Variants in ACTR3C observed in about 807,000 individuals in gnomAD.
ACTR3C encodes the protein actin related protein 3C.
Under a neutral mutation model 26.3 loss-of-function variants are expected in ACTR3C, and 18 were observed. The observed-to-expected ratio is 0.68, with a 90% CI of 0.47 to 1.01. The LOEUF (loss-of-function observed/expected upper bound fraction) is 1.01. Among genes scored for constraint, ACTR3C ranks in the 50% least tolerant of loss-of-function variants. The probability of loss-of-function intolerance (pLI) is 0.00; values close to 1 mark genes in which losing one functional copy is unlikely to be tolerated. For missense variants in ACTR3C, 184 were observed against 250.7 expected, an observed-to-expected ratio of 0.73 and a Z score of 1.80; for synonymous variants, 55 against 94.5, an observed-to-expected ratio of 0.58 and a Z score of 2.42.
At chr7:150,269,302 C>A (rs1258173151) in intron 6 of ACTR3C, among the ~76,000 whole-genome samples, 2 of 137,634 alleles carry the variant, frequency 1.5e-5, no homozygotes, top group Non-Finnish European at 3.1e-5. Context: ...ACAGGGCGTT[C>A]GGAGCCCTTC....
chr7:150,021,130 T>A, the ACTR3C span, among the ~76,000 whole-genome samples: 92,578 of 148,600 alleles, frequency 0.62, 29,010 homozygotes, highest in Admixed American at 0.67. Flanking sequence ...CTTTTTTTTT[T>A]AAAAAAAATA....
chr7:150,288,864 C>T (rs1397507198), intron 4 of ACTR3C, among the ~76,000 whole-genome samples: 3 of 150,946 alleles, frequency 2.0e-5, no homozygotes, highest in Admixed American at 6.6e-5. Flanking sequence ...AAAAACACCT[C>T]GGGAATCATC....
At chr7:149,946,173 G>A in the ACTR3C span, among the ~76,000 whole-genome samples, 2 of 152,228 alleles carry the variant, frequency 1.3e-5, no homozygotes, top group East Asian at 1.9e-4. Flanking sequence ...CTGGGCCAGC[G>A]CTCCAGGAAT....
chr7:150,076,505 T>C, the ACTR3C span: 1 of 152,098 alleles, frequency 6.6e-6, no homozygotes. Context: ...TGATAAATAC[T>C]GTATTTGCTC....
chr7:150,035,455 T>TCC, the ACTR3C span, among the ~76,000 whole-genome samples: 2 of 81,116 alleles, frequency 2.5e-5, no homozygotes, highest in African/African-American at 4.6e-5. Context: ...GGGGGGTGCC[T>TCC]CCCCCGTTGC....
chr7:150,040,507 G>A, the ACTR3C span: 1 of 148,554 alleles, frequency 6.7e-6, no homozygotes, highest in African/African-American at 2.6e-5. Flanking sequence ...TGCAATGTTT[G>A]GGATCCACAG....
At chr7:149,882,359 C>T in the ACTR3C span, among the ~76,000 whole-genome samples, 1 of 152,166 alleles carries the variant, frequency 6.6e-6, no homozygotes, top group African/African-American at 2.4e-5. Context: ...GCTGAATTCT[C>T]ACTGAGCCCC....
chr7:149,919,690 C>T, the ACTR3C span, among the ~76,000 whole-genome samples: 175 of 152,222 alleles, frequency 1.1e-3, no homozygotes, highest in Middle Eastern at 6.8e-3. Flanking sequence ...CAGTCTTACT[C>T]GTTTTAACTT....
the ACTR3C span, among the ~76,000 whole-genome samples, chr7:150,081,926 T>C: frequency 4.6e-5 from 7 of 152,028 alleles, no homozygotes; most frequent in African/African-American, 1.5e-4. Context: ...ATTCTGCTCA[T>C]GCAAATGTGC....
the ACTR3C span, among the ~76,000 whole-genome samples, chr7:150,043,802 A>T: frequency 6.6e-6 from 1 of 152,148 alleles, no homozygotes; most frequent in Non-Finnish European, 1.5e-5. Flanking sequence ...AACAGAAGAA[A>T]AGTAATAGAG....
the ACTR3C span, among the ~76,000 whole-genome samples, chr7:150,127,259 AGGACTAGAGATGGATTCAT>A: frequency 0.07 from 10,622 of 151,860 alleles, 504 homozygotes; most frequent in African/African-American, 0.14. Flanking sequence ...TGCCTGACCC[AGGACTAGAGATGGATTCAT>A]GGATTGACTT....
chr7:149,944,952 C>T, the ACTR3C span, among the ~76,000 whole-genome samples: 13 of 151,784 alleles, frequency 8.6e-5, no homozygotes, highest in Non-Finnish European at 1.6e-4. Flanking sequence ...TGCAATGTGT[C>T]GTGTGCCAAA....
At chr7:150,072,629 G>A in the ACTR3C span, among the ~76,000 whole-genome samples, 3 of 151,216 alleles carry the variant, frequency 2.0e-5, no homozygotes, top group African/African-American at 4.9e-5. Context: ...GCAGTGGTCT[G>A]TGGACTGCAT....
At chr7:150,269,394 G>A (rs1834279184) in intron 6 of ACTR3C, among the ~76,000 whole-genome samples, 1 of 148,262 alleles carries the variant, frequency 6.7e-6, no homozygotes, top group African/African-American at 2.6e-5. Context: ...TGGTGCTGGG[G>A]CCTGAAGCAA....
the ACTR3C span, among the ~76,000 whole-genome samples, chr7:150,219,992 G>C: frequency 1.4e-5 from 2 of 146,824 alleles, no homozygotes; most frequent in Non-Finnish European, 2.9e-5. Context: ...CCAGCCCCAG[G>C]GTGGCCGGCG....
At chr7:149,964,815 T>C in the ACTR3C span, among the ~76,000 whole-genome samples, 1 of 152,046 alleles carries the variant, frequency 6.6e-6, no homozygotes, top group East Asian at 1.9e-4. Flanking sequence ...AGTTCACTGG[T>C]TTCTGTCTCA....
the ACTR3C span, among the ~76,000 whole-genome samples, chr7:150,162,333 A>AT: frequency 0.43 from 64,859 of 150,932 alleles, 14,280 homozygotes; most frequent in East Asian, 0.62. Flanking sequence ...TGCAAAAGTA[A>AT]TTTTTTTTTT....
At chr7:150,028,052 C>T in the ACTR3C span, among the ~76,000 whole-genome samples, 1 of 152,290 alleles carries the variant, frequency 6.6e-6, no homozygotes, top group Non-Finnish European at 1.5e-5. Flanking sequence ...CACCAGAAAA[C>T]ACTCTTCATT....
chr7:150,017,340 G>A, the ACTR3C span, among the ~76,000 whole-genome samples: 1 of 151,718 alleles, frequency 6.6e-6, no homozygotes, highest in Non-Finnish European at 1.5e-5. Flanking sequence ...CTTCCTTGAA[G>A]TCTTCTTATT....
Sources: allele counts gnomAD v4.1 joint callset (sites outside exome capture counted in the v4.1 genomes callset), GRCh38; gene constraint gnomAD v4.1.1; transcripts MANE v1.5; gene names NCBI Gene and HGNC (gene_info 2026-07-23, HGNC 2026-07-21).